The following RARB variants were observed in gnomAD, a reference collection of about 807,000 sequenced individuals.
The protein encoded by RARB is HBV-activated protein.
RARB carries 17 observed loss-of-function variants against 51.9 expected under a neutral mutation model. The ratio of observed to expected loss-of-function variants is 0.33; its 90% CI spans 0.22 to 0.49. The LOEUF (loss-of-function observed/expected upper bound fraction) is 0.49. Ranked by LOEUF, RARB falls within the 20% of genes least tolerant of loss-of-function variation. RARB has a pLI of 0.99. For missense variants in RARB, 369 were observed against 550.8 expected (o/e 0.67, Z 3.30); for synonymous variants, 215 against 195.4 (o/e 1.10, Z -0.84).
chr3:25,428,560 C>G lies in RARB; in HGVS notation c.-172C>G. The G allele has an allele frequency of 7.6e-7, 1 of 1,318,492 alleles. No individual in the cohort carries two copies. The highest frequency in any genetic ancestry group is 9.7e-7 in the Non-Finnish European group (1 of 1,030,836). The allele number at this position is 1,318,492 out of a possible 1,614,324, so 81.7% of individuals were successfully genotyped here. On this transcript the variant is annotated 5_prime_UTR_variant, in exon 1 of 8. Transcript: ENST00000330688. ...AATGATCATTTGGATCAATTACAGG[C>G]TTTTAGCTGGCTTGTCTGTCATAAT...
At position 25,546,558 on chromosome 3, in the gene RARB, G is replaced by A. The variant is rs542341212; in HGVS notation, c.449-23200G>A. Among the ~76,000 whole-genome samples, 11 of 152,196 alleles carry A rather than the reference G, an allele frequency of 7.2e-5. No individual in the cohort carries two copies. The South Asian group carries it at 1.0e-3, about 14-fold the overall frequency. On this transcript the variant is annotated intron_variant, in intron 3 of 7. Transcript: ENST00000330688. ...ATGGGGATCAGAATGTCAGCAACTC[G>A]TTTCTGATAATCACTGTCTAGTCTG...
At position 24,834,952 on chromosome 3, in the gene RARB, C is replaced by A. The variant is rs779557198; in HGVS notation, c.-459+5549C>A. ...TTTTTCCCCTATTTATTTCTTTCATCGTCTTCAGTTCTTCCTTTTTCTTTC... is the reference window on the plus strand; with the variant it reads ...TTTTTCCCCTATTTATTTCTTTCATAGTCTTCAGTTCTTCCTTTTTCTTTC... On this transcript the variant is annotated intron_variant, in intron 1 of 11. Coordinates refer to the RARB transcript ENST00000383772. Among the ~76,000 whole-genome samples the A allele has an allele frequency of 2.0e-5, 3 of 151,614 alleles. No individual in the cohort carries two copies. In the East Asian group the frequency reaches 5.8e-4, roughly 29 times the overall value.
chr3:24,972,734 G>T (rs999540910), intron 2 of RARB, among the ~76,000 whole-genome samples: 1 of 151,944 alleles, frequency 6.6e-6, no homozygotes, highest in Non-Finnish European at 1.5e-5. Context: ...GCATTTTTTG[G>T]ATGATTAGTG....
rs547647180 is a variant in RARB, at chr3:25,497,034, G to A, written c.307-4148G>A. 2.0e-4 allele frequency among the ~76,000 whole-genome samples: 31 copies of A among 152,232 alleles called. No individual in the cohort carries two copies. In the South Asian group the frequency reaches 3.3e-3, roughly 16 times the overall value. ...CGAGTAGCTGGAATTACAGGCATGCGCCACCATGCCTGGCTAATTTTGTAT... is the reference window on the plus strand; with the variant it reads ...CGAGTAGCTGGAATTACAGGCATGCACCACCATGCCTGGCTAATTTTGTAT... On this transcript the variant is annotated intron_variant, in intron 2 of 7. Transcript: ENST00000330688.
chr3:25,276,333 G>A (rs541450386), intron 5 of RARB, among the ~76,000 whole-genome samples: 236 of 152,130 alleles, frequency 1.6e-3, no homozygotes, highest in Middle Eastern at 6.8e-3. Context: ...TCTTTAGCCC[G>A]TTATGTAAGC....
Position 24,895,522 on chromosome 3 carries a change from T to G in RARB, c.-380+36770T>G, listed in dbSNP as rs958601116. 3.3e-5 allele frequency among the ~76,000 whole-genome samples: 5 copies of G among 152,204 alleles called. No homozygotes were observed. The East Asian group carries it at 9.7e-4, about 29-fold the overall frequency. On this transcript the variant is annotated intron_variant, in intron 2 of 11. Transcript: ENST00000383772. ...GCTTATTTATCAAGGTGTAGTTGTT[T>G]AAAATGCACTCAGGGAATTAATGCA...
At position 24,868,662 on chromosome 3, in the gene RARB, T is replaced by A. The variant is rs1702893655; in HGVS notation, c.-380+9910T>A. On this transcript the variant is annotated intron_variant, in intron 2 of 11. Transcript: ENST00000383772. ...GGTATAACAGACTTTTTAGGTATAA[T>A]AAGAAACATTTACAATCTATTCTCT... 3.3e-5 allele frequency among the ~76,000 whole-genome samples: 5 copies of A among 152,148 alleles called. No homozygotes were observed. The South Asian group carries it at 1.0e-3, about 32-fold the overall frequency.
chr3:24,863,500 G>T (rs1025838630), intron 2 of RARB, among the ~76,000 whole-genome samples: 2 of 152,098 alleles, frequency 1.3e-5, no homozygotes, highest in African/African-American at 4.8e-5. Flanking sequence ...CAGTTAAAAT[G>T]AACACTTCTC....
intron 1 of RARB, among the ~76,000 whole-genome samples, chr3:25,444,355 C>T (rs1708835051): frequency 6.6e-6 from 1 of 152,168 alleles, no homozygotes; most frequent in South Asian, 2.1e-4. Context: ...GATTAGAAGC[C>T]TCAGAACCCA....
chr3:25,478,631 CTG>C (rs1410027909), intron 2 of RARB, among the ~76,000 whole-genome samples: 2 of 152,116 alleles, frequency 1.3e-5, no homozygotes, highest in African/African-American at 2.4e-5. Context: ...TTCCTGGTGA[CTG>C]AGAAAAATGC....
intron 2 of RARB, among the ~76,000 whole-genome samples, chr3:25,030,340 A>G (rs558935399): frequency 1.2e-4 from 18 of 152,348 alleles, no homozygotes; most frequent in African/African-American, 4.3e-4. Flanking sequence ...TTTAAAAATG[A>G]CTATTAAGCT....
chr3:25,157,674 G>A (rs972574720), intron 4 of RARB, among the ~76,000 whole-genome samples: 24 of 152,286 alleles, frequency 1.6e-4, no homozygotes, highest in African/African-American at 5.3e-4. Context: ...TGGGATTACA[G>A]GTGGAAGCCA....
At chr3:25,514,498 C>A (rs1380990568) in intron 3 of RARB, among the ~76,000 whole-genome samples, 1 of 151,630 alleles carries the variant, frequency 6.6e-6, no homozygotes, top group Admixed American at 6.6e-5. Flanking sequence ...GCGTAAAATA[C>A]CTCCATGATT....
intron 3 of RARB, among the ~76,000 whole-genome samples, chr3:25,075,721 G>T (rs572236125): frequency 3.1e-4 from 47 of 151,848 alleles, no homozygotes; most frequent in Non-Finnish European, 6.0e-4. Context: ...ACATTTGTTG[G>T]AGAATCCCCT....
intron 2 of RARB, among the ~76,000 whole-genome samples, chr3:25,476,096 A>G (rs980356690): frequency 6.6e-6 from 1 of 152,190 alleles, no homozygotes; most frequent in South Asian, 2.1e-4. Context: ...TTGCACTGGT[A>G]TCTTTCTACT....
At chr3:25,470,612 A>T (rs1343526929) in intron 2 of RARB, among the ~76,000 whole-genome samples, 1 of 152,198 alleles carries the variant, frequency 6.6e-6, no homozygotes, top group Non-Finnish European at 1.5e-5. Context: ...GAAAAATGGA[A>T]ATCTATCCAT....
At chr3:25,273,477 C>T (rs1703300939) in intron 5 of RARB, among the ~76,000 whole-genome samples, 1 of 152,152 alleles carries the variant, frequency 6.6e-6, no homozygotes, top group South Asian at 2.1e-4. Flanking sequence ...GGCTGGCTTT[C>T]TTAGAGGCTG....
At chr3:24,867,687 C>A (rs1294889201) in intron 2 of RARB, among the ~76,000 whole-genome samples, 1 of 152,100 alleles carries the variant, frequency 6.6e-6, no homozygotes, top group African/African-American at 2.4e-5. Context: ...AGTGTTGAAG[C>A]AACTCAGAAG....
Position 25,428,439 on chromosome 3 carries a change from G to A in RARB, c.-293G>A. On this transcript the variant is annotated 5_prime_UTR_variant, in exon 1 of 8. Coordinates refer to ENST00000330688, the MANE Select transcript of RARB (RefSeq NM_000965.5). ...GGTAGGATCCGGAACGCATTCGGAA[G>A]GCTTTTTGCAAGCATTTACTTGGAA... The A allele has an allele frequency of 7.1e-6, 9 of 1,268,234 alleles. No individual in the cohort carries two copies. The highest frequency in any genetic ancestry group is 6.9e-6 in the Non-Finnish European group (7 of 1,008,796). The allele number at this position is 1,268,234 out of a possible 1,614,324, so 78.6% of individuals were successfully genotyped here.
Sources: gnomAD v4.1 joint callset for allele counts (sites outside exome capture counted in the v4.1 genomes callset) on GRCh38, gnomAD v4.1.1 for gene constraint, MANE v1.5 for transcripts, NCBI Gene and HGNC (gene_info 2026-07-23, HGNC 2026-07-21) for gene names.